Variants in SLC25A26 observed in about 807,000 individuals in gnomAD.
SLC25A26 encodes the protein mitochondrial S-adenosylmethionine carrier protein.
In SLC25A26, 36 loss-of-function variants were observed where a neutral mutation model predicts 37.8. The observed-to-expected ratio is 0.95, with a 90% CI of 0.73 to 1.26. SLC25A26 has a LOEUF of 1.26. SLC25A26 is among the 50% of genes most tolerant of loss of function. The pLI, the probability that SLC25A26 is intolerant of heterozygous loss-of-function variation, is 0.00. For missense variants in SLC25A26, 390 were observed against 331.1 expected, an observed-to-expected ratio of 1.18 and a Z score of -1.38; for synonymous variants, 129 against 122.5, an observed-to-expected ratio of 1.05 and a Z score of -0.35.
chr3:66,232,851 A>T (rs149544882), intron 1 of SLC25A26, among the ~76,000 whole-genome samples: 151,749 of 152,312 alleles, frequency 1, 75,596 homozygotes, highest in Middle Eastern at 1. Context: ...ATTTTATGAA[A>T]ATGATTAGTA....
chr3:66,293,356 G>A (rs2074781395), intron 5 of SLC25A26: 1 of 151,894 alleles, frequency 6.6e-6, no homozygotes, highest in Non-Finnish European at 1.5e-5. Flanking sequence ...TTTGGGGTTG[G>A]GATTTTTGTT....
intron 5 of SLC25A26, among the ~76,000 whole-genome samples, chr3:66,309,522 T>G (rs116465672): frequency 0.13 from 19,918 of 152,102 alleles, 1,592 homozygotes; most frequent in Non-Finnish European, 0.18. Flanking sequence ...TGCTCTGATC[T>G]TAATTATTTC....
rs1468914938 is a variant in SLC25A26 at position 66,209,042 on chromosome 3, A to ATGTG, written c.-353-11699_-353-11698insGTGT. ...TATATACACACCCATATAAAGGTGT[A>ATGTG]TATATATATATATATATATATATAC... is the stretch of plus-strand genomic sequence containing the variant. On this transcript the variant is annotated intron_variant, in intron 1 of 10. Coordinates refer to the SLC25A26 transcript ENST00000676754. Among the ~76,000 whole-genome samples, 94 of 22,516 alleles carry ATGTG rather than the reference A, an allele frequency of 4.2e-3. 3 individuals carry two copies. Among genetic ancestry groups the ATGTG allele is most frequent in the Middle Eastern group, 0.038 (1 of 26 alleles). The allele number at this position is 22,516 out of a possible 152,430, so 14.8% of individuals were successfully genotyped here.
At chr3:66,295,254 C>G (rs887518946) in intron 5 of SLC25A26, among the ~76,000 whole-genome samples, 1 of 152,056 alleles carries the variant, frequency 6.6e-6, no homozygotes, top group South Asian at 2.1e-4. Flanking sequence ...GACGGAGTCC[C>G]GCACTTTTGG....
intron 1 of SLC25A26, among the ~76,000 whole-genome samples, chr3:66,228,861 T>C (rs953614792): frequency 3.3e-5 from 5 of 152,252 alleles, no homozygotes; most frequent in South Asian, 2.1e-4. Context: ...AAGTTGATGC[T>C]GAATGTTCCT....
chr3:66,179,718 CT>C (rs928709170), intron 1 of SLC25A26, among the ~76,000 whole-genome samples: 10 of 148,820 alleles, frequency 6.7e-5, no homozygotes, highest in Admixed American at 2.0e-4. Context: ...TGTTACTGGG[CT>C]TTTTTTTTTC....
intron 5 of SLC25A26, among the ~76,000 whole-genome samples, chr3:66,285,278 T>TAAAA (rs1026499840): frequency 6.6e-6 from 1 of 151,174 alleles, no homozygotes; most frequent in African/African-American, 2.4e-5. Context: ...TTATTTTTTT[T>TAAAA]AAAAAACCCT....
intron 1 of SLC25A26, among the ~76,000 whole-genome samples, chr3:66,162,334 A>ATTT (rs796147816): frequency 1.9e-5 from 1 of 52,826 alleles, no homozygotes; most frequent in Non-Finnish European, 3.9e-5. Flanking sequence ...TTCAACATGG[A>ATTT]TTTTTTTTTC....
intron 1 of SLC25A26, among the ~76,000 whole-genome samples, chr3:66,233,884 T>G (rs950214752): frequency 6.6e-5 from 10 of 152,198 alleles, no homozygotes; most frequent in Non-Finnish European, 1.2e-4. Context: ...ACATGTAAGG[T>G]AGCCAACTAG....
chr3:66,362,364 A>G (rs1305924178), intron 6 of SLC25A26, among the ~76,000 whole-genome samples: 4 of 152,252 alleles, frequency 2.6e-5, no homozygotes, highest in African/African-American at 7.2e-5. Flanking sequence ...GAAGAAGGCA[A>G]CTGTTGATAT....
chr3:66,304,242 C>G (rs1350271654), intron 5 of SLC25A26, among the ~76,000 whole-genome samples: 1 of 152,148 alleles, frequency 6.6e-6, no homozygotes, highest in Non-Finnish European at 1.5e-5. Context: ...GTTCACGGTC[C>G]CATCCACACT....
At chr3:66,288,326 T>G (rs1185559554) in intron 5 of SLC25A26, among the ~76,000 whole-genome samples, 1 of 152,188 alleles carries the variant, frequency 6.6e-6, no homozygotes, top group Non-Finnish European at 1.5e-5. Flanking sequence ...GAAAGCATTT[T>G]TTTTAAAAAA....
In SLC25A26 at chr3:66,314,654, C is replaced by G. The variant is rs115816797; in HGVS notation, c.454-31710C>G. Among the ~76,000 whole-genome samples the G allele has an allele frequency of 2.5e-3, 386 of 152,136 alleles. 2 individuals are homozygous for G. The highest frequency in any genetic ancestry group is 9.1e-3 in the African/African-American group (379 of 41,500). On this transcript the variant is annotated intron_variant, in intron 5 of 9. Transcript: ENST00000354883. Reference sequence around the variant, plus strand: ...TCATAGAATGAATTAGGGAGGAGCACTTCCTTTTCAGTTGTTTGGAATACT... The same window carrying G: ...TCATAGAATGAATTAGGGAGGAGCAGTTCCTTTTCAGTTGTTTGGAATACT...
intron 1 of SLC25A26, among the ~76,000 whole-genome samples, chr3:66,231,815 A>G (rs1371023408): frequency 7.2e-6 from 1 of 139,190 alleles, no homozygotes; most frequent in African/African-American, 2.7e-5. Context: ...TGCCCAAGCT[A>G]GAGTGCAGGG....
At chr3:66,369,270 G>C (rs1700213294) in intron 7 of SLC25A26, among the ~76,000 whole-genome samples, 1 of 152,192 alleles carries the variant, frequency 6.6e-6, no homozygotes, top group Non-Finnish European at 1.5e-5. Flanking sequence ...ACCTGAGTGG[G>C]TAGAGCATTT....
At chr3:66,318,929 C>G (rs1014421799) in intron 5 of SLC25A26, among the ~76,000 whole-genome samples, 1 of 152,150 alleles carries the variant, frequency 6.6e-6, no homozygotes, top group African/African-American at 2.4e-5. Context: ...GGATTACAGA[C>G]ACGAACCACC....
chr3:66,264,731 G>T (rs1034736378), intron 5 of SLC25A26, among the ~76,000 whole-genome samples: 1 of 152,186 alleles, frequency 6.6e-6, no homozygotes. Context: ...GTGCCAAAAA[G>T]GTTGGGGACC....
At chr3:66,142,307 T>G (rs1338772887) in intron 1 of SLC25A26, among the ~76,000 whole-genome samples, 3 of 152,250 alleles carry the variant, frequency 2.0e-5, no homozygotes, top group Non-Finnish European at 2.9e-5. Flanking sequence ...ATCGCATGTA[T>G]CAGTATCAGT....
intron 5 of SLC25A26, among the ~76,000 whole-genome samples, chr3:66,333,499 C>T (rs1313112962): frequency 6.6e-6 from 1 of 152,154 alleles, no homozygotes; most frequent in Non-Finnish European, 1.5e-5. Flanking sequence ...GTTAAATCTC[C>T]CCAGTGTCCC....
Sources: allele counts gnomAD v4.1 joint callset (sites outside exome capture counted in the v4.1 genomes callset), GRCh38; gene constraint gnomAD v4.1.1; transcripts MANE v1.5; gene names NCBI Gene and HGNC (gene_info 2026-07-23, HGNC 2026-07-21).